The following PPARGC1A variants were observed in gnomAD, a reference collection of about 807,000 sequenced individuals.
The protein encoded by PPARGC1A is peroxisome proliferator-activated receptor gamma coactivator 1-alpha.
In PPARGC1A, 25 loss-of-function variants were observed where a neutral mutation model predicts 88.7. The observed-to-expected ratio is 0.28, with a 90% CI of 0.21 to 0.39. The LOEUF (loss-of-function observed/expected upper bound fraction) is 0.39, where lower values mean the gene tolerates loss of function less well. Ranked by LOEUF, PPARGC1A falls within the 10% of genes least tolerant of loss-of-function variation. PPARGC1A has a pLI of 1.00. For missense variants in PPARGC1A, 880 were observed against 968.7 expected (o/e 0.91, Z 1.22); for synonymous variants, 363 against 355.6 (o/e 1.02, Z -0.24).
rs1304824586 is a variant in PPARGC1A, at chr4:23,831,717, G to A, written c.269C>T (p.Ala90Val). The change falls in exon 3 of 13, where the codon GCA becomes GTA. Residue 90 changes from alanine (A) to valine (V), a missense_variant. By Grantham distance (64) the Ala-to-Val change is moderately conservative (BLOSUM62 0). Coordinates refer to ENST00000264867, the MANE Select transcript of PPARGC1A (RefSeq NM_013261.5). ...IDEENEANLLAVLTETLDSLP... is the reference protein window; with the variant it reads ...IDEENEANLLVVLTETLDSLP... ...ACTGTCTAGTGTCTCTGTGAGGACT[G>A]CTAGCAAGTTTGCCTCATTCTCTTC... The A allele has an allele frequency of 1.2e-6, 2 of 1,613,748 alleles. No homozygotes were observed. The highest frequency in any genetic ancestry group is 1.7e-4 in the Middle Eastern group (1 of 6,060).
chr4:24,268,936 T>A, the PPARGC1A span, among the ~76,000 whole-genome samples: 1 of 152,208 alleles, frequency 6.6e-6, no homozygotes, highest in Non-Finnish European at 1.5e-5. Flanking sequence ...AGAATACACA[T>A]AGTCAGCCCC....
At chr4:24,416,180 C>T in the PPARGC1A span, among the ~76,000 whole-genome samples, 1 of 152,134 alleles carries the variant, frequency 6.6e-6, no homozygotes, top group African/African-American at 2.4e-5. Flanking sequence ...AAAGAAGTTT[C>T]AAGAAGTCCA....
At chr4:24,409,701 A>C in the PPARGC1A span, among the ~76,000 whole-genome samples, 4 of 152,284 alleles carry the variant, frequency 2.6e-5, no homozygotes, top group African/African-American at 9.6e-5. Flanking sequence ...TGGCCTGACT[A>C]AACTATAAGA....
At chr4:23,939,562 G>A in the PPARGC1A span, among the ~76,000 whole-genome samples, 1 of 152,140 alleles carries the variant, frequency 6.6e-6, no homozygotes, top group Non-Finnish European at 1.5e-5. Flanking sequence ...AGGTTTTGCT[G>A]CCTTTGCCTA....
At chr4:24,446,378 T>C in the PPARGC1A span, among the ~76,000 whole-genome samples, 1 of 152,226 alleles carries the variant, frequency 6.6e-6, no homozygotes, top group South Asian at 2.1e-4. Flanking sequence ...TGTGTCTTCT[T>C]CGGAGAAATG....
intron 2 of PPARGC1A, chr4:23,875,688 T>C (rs1431594709): frequency 6.6e-6 from 1 of 152,144 alleles, no homozygotes; most frequent in Non-Finnish European, 1.5e-5. Context: ...CTAAATCCCA[T>C]TCGCCACAGC....
intron 8 of PPARGC1A, among the ~76,000 whole-genome samples, chr4:23,813,441 A>G (rs1721319155): frequency 6.6e-6 from 1 of 152,142 alleles, no homozygotes; most frequent in Non-Finnish European, 1.5e-5. Context: ...AAGTTGGATG[A>G]GCAAGTTTCT....
At chr4:24,161,081 A>T in the PPARGC1A span, among the ~76,000 whole-genome samples, 1 of 152,244 alleles carries the variant, frequency 6.6e-6, no homozygotes, top group Admixed American at 6.5e-5. Flanking sequence ...GCTACCCTCA[A>T]TGAAATGGTT....
At chr4:23,948,179 T>A in the PPARGC1A span, among the ~76,000 whole-genome samples, 1 of 152,280 alleles carries the variant, frequency 6.6e-6, no homozygotes, top group East Asian at 1.9e-4. Context: ...ACTGAGTAGG[T>A]CCCAGGAACC....
chr4:24,090,593 A>G, the PPARGC1A span, among the ~76,000 whole-genome samples: 38 of 152,312 alleles, frequency 2.5e-4, no homozygotes, highest in South Asian at 7.1e-3. Flanking sequence ...ACTTTATCCA[A>G]CATCATCCCT....
the PPARGC1A span, among the ~76,000 whole-genome samples, chr4:24,204,659 C>G: frequency 6.6e-6 from 1 of 152,104 alleles, no homozygotes; most frequent in African/African-American, 2.4e-5. Context: ...GTGCCAAAGG[C>G]ATCACCCTTC....
chr4:24,141,854 A>G, the PPARGC1A span, among the ~76,000 whole-genome samples: 1 of 152,178 alleles, frequency 6.6e-6, no homozygotes, highest in African/African-American at 2.4e-5. Context: ...TGAAAATAAA[A>G]ATCTCTGCAG....
chr4:24,268,081 AT>A, the PPARGC1A span, among the ~76,000 whole-genome samples: 1 of 152,258 alleles, frequency 6.6e-6, no homozygotes, highest in Non-Finnish European at 1.5e-5. Flanking sequence ...TGTAATTTTG[AT>A]TCATTAAAAT....
At chr4:24,423,915 G>A in the PPARGC1A span, among the ~76,000 whole-genome samples, 1 of 152,168 alleles carries the variant, frequency 6.6e-6, no homozygotes, top group Non-Finnish European at 1.5e-5. Context: ...CCATGATGGT[G>A]GAGATCGAAA....
At chr4:24,045,296 T>C in the PPARGC1A span, among the ~76,000 whole-genome samples, 1 of 152,214 alleles carries the variant, frequency 6.6e-6, no homozygotes, top group African/African-American at 2.4e-5. Context: ...TTAGTTTAGA[T>C]GCTGAGCAAA....
the PPARGC1A span, among the ~76,000 whole-genome samples, chr4:24,410,669 C>T: frequency 6.6e-6 from 1 of 152,122 alleles, no homozygotes. Context: ...AATCAGCTGC[C>T]AGCACAGCTA....
the PPARGC1A span, among the ~76,000 whole-genome samples, chr4:24,035,492 G>C: frequency 6.6e-6 from 1 of 151,990 alleles, no homozygotes; most frequent in Non-Finnish European, 1.5e-5. Context: ...GTTGCAGCGA[G>C]CCGAGATCGC....
chr4:23,960,166 G>C, the PPARGC1A span, among the ~76,000 whole-genome samples: 4 of 152,126 alleles, frequency 2.6e-5, no homozygotes, highest in Non-Finnish European at 5.9e-5. Context: ...TAGATAGGAA[G>C]GTCTAAATAT....
chr4:24,208,830 G>A, the PPARGC1A span, among the ~76,000 whole-genome samples: 2 of 152,000 alleles, frequency 1.3e-5, no homozygotes, highest in East Asian at 3.9e-4. Context: ...GCTAGGAACA[G>A]TCATTGTGTT....
Sources: gnomAD v4.1 joint callset for allele counts (sites outside exome capture counted in the v4.1 genomes callset) on GRCh38, gnomAD v4.1.1 for gene constraint, MANE v1.5 for transcripts, NCBI Gene and HGNC (gene_info 2026-07-23, HGNC 2026-07-21) for gene names.